DIP2C: variants seen among roughly 807,000 people sequenced by gnomAD.
The protein encoded by DIP2C is DIP2 acetate--CoA ligase C (putative).
A neutral mutation model predicts 192.4 loss-of-function variants in DIP2C; 33 were observed. The observed-to-expected ratio is 0.17, with a 90% CI of 0.13 to 0.23. The LOEUF (loss-of-function observed/expected upper bound fraction) is 0.23. DIP2C is among the 10% of genes least tolerant of loss of function. The pLI, the probability that DIP2C is intolerant of heterozygous loss-of-function variation, is 1.00. For missense variants in DIP2C, 1,537 were observed against 2,110.1 expected, an observed-to-expected ratio of 0.73 and a Z score of 5.32; for synonymous variants, 979 against 864.1, an observed-to-expected ratio of 1.13 and a Z score of -2.33.
At chr10:401,249 G>A (rs1296485297) in intron 9 of DIP2C, among the ~76,000 whole-genome samples, 1 of 151,492 alleles carries the variant, frequency 6.6e-6, no homozygotes, top group African/African-American at 2.4e-5. Context: ...ATCAGCCCAT[G>A]AATCCTATGA....
chr10:613,980 C>T (rs754973233), intron 1 of DIP2C, among the ~76,000 whole-genome samples: 1 of 152,188 alleles, frequency 6.6e-6, no homozygotes, highest in Non-Finnish European at 1.5e-5. Context: ...TACCCACATA[C>T]AGGACCAGGA....
chr10:581,181 G>A (rs781337805), intron 1 of DIP2C, among the ~76,000 whole-genome samples: 16 of 151,672 alleles, frequency 1.1e-4, no homozygotes, highest in East Asian at 1.9e-4. Flanking sequence ...CCACTTAGAC[G>A]CTTTCTGATA....
chr10:484,758 G>A (rs1201807264), intron 2 of DIP2C: 4 of 1,606,950 alleles, frequency 2.5e-6, no homozygotes, highest in Middle Eastern at 1.7e-4. Context: ...TGTGGGGCTG[G>A]CTCTCAGCAA....
chr10:602,524 G>A (rs1360190814), intron 1 of DIP2C, among the ~76,000 whole-genome samples: 2 of 152,190 alleles, frequency 1.3e-5, no homozygotes, highest in Non-Finnish European at 1.5e-5. Flanking sequence ...AGGCCTGAAG[G>A]AGCCCTCCTG....
chr10:285,324 A>T (rs1265009378), intron 34 of DIP2C, among the ~76,000 whole-genome samples: 3 of 152,164 alleles, frequency 2.0e-5, no homozygotes, highest in Non-Finnish European at 4.4e-5. Context: ...GGTGCTGTTT[A>T]TAAGATGCCA....
intron 1 of DIP2C, among the ~76,000 whole-genome samples, chr10:677,956 C>G (rs1830930324): frequency 1.3e-5 from 2 of 152,250 alleles, no homozygotes; most frequent in African/African-American, 2.4e-5. Flanking sequence ...CGTCACCAGT[C>G]CCAGTGCAGA....
At chr10:469,370 G>A (rs571192744) in intron 3 of DIP2C, among the ~76,000 whole-genome samples, 2 of 147,684 alleles carry the variant, frequency 1.4e-5, no homozygotes, top group South Asian at 2.2e-4. Context: ...AGGCTGGAGT[G>A]CAGTGGTATG....
At chr10:672,288 G>A (rs1674761744) in intron 1 of DIP2C, among the ~76,000 whole-genome samples, 3 of 151,886 alleles carry the variant, frequency 2.0e-5, no homozygotes. Flanking sequence ...GAGAAAACAG[G>A]CCACACACGC....
chr10:286,434 C>T, intron 33 of DIP2C, 87 bp from the exon 34 acceptor site: 2 of 1,217,578 alleles, frequency 1.6e-6, no homozygotes, highest in South Asian at 2.5e-5. Context: ...ATCTTTATGC[C>T]ATTTCCTTTC....
At chr10:326,653 C>T (rs749842002) in intron 31 of DIP2C, among the ~76,000 whole-genome samples, 3 of 152,274 alleles carry the variant, frequency 2.0e-5, no homozygotes, top group African/African-American at 4.8e-5. Context: ...CTACAGCGAT[C>T]GTCTACACGC....
Position 362,556 on chromosome 10 carries a change from A to G in DIP2C, c.2728T>C (p.Cys910Arg). The change falls in exon 22 of 37, where the codon TGC (cysteine) becomes CGC (arginine). Residue 910 changes from cysteine to arginine, a missense_variant. Transcript: ENST00000280886. ...GTGTGGGGGCACATTAGGACATTGC[A>G]GGGGTGCAGAGAGCCCTCCAGAAAA... is the stretch of plus-strand genomic sequence containing the variant. ...QLFLEGSLHPCNVLMCPHTCV... is the reference protein window; with the variant it reads ...QLFLEGSLHPRNVLMCPHTCV... The G allele has an allele frequency of 6.2e-7, 1 of 1,614,118 alleles. No homozygotes were observed. The highest frequency in any genetic ancestry group is 8.5e-7 in the Non-Finnish European group (1 of 1,179,984).
intron 31 of DIP2C, chr10:311,458 C>G: frequency 8.5e-7 from 1 of 1,176,264 alleles, no homozygotes; most frequent in East Asian, 3.2e-5. Flanking sequence ...AACTGCTAGT[C>G]TGTCCCACGG....
At chr10:645,616 T>C (rs938263705) in intron 1 of DIP2C, among the ~76,000 whole-genome samples, 1 of 152,214 alleles carries the variant, frequency 6.6e-6, no homozygotes, top group African/African-American at 2.4e-5. Context: ...TGTCTAAATT[T>C]TCCAGAATGA....
intron 17 of DIP2C, 185 bp from the exon 18 acceptor site, chr10:369,818 G>C: frequency 7.7e-7 from 1 of 1,297,192 alleles, no homozygotes; most frequent in Non-Finnish European, 1.1e-6. Context: ...ACAGCTGGCA[G>C]CGAGTCTACT....
chr10:471,291 A>G (rs1214257548), intron 3 of DIP2C, among the ~76,000 whole-genome samples: 1 of 151,962 alleles, frequency 6.6e-6, no homozygotes, highest in Non-Finnish European at 1.5e-5. Context: ...CAGAAAGAGG[A>G]GCAGAGCCAG....
chr10:445,020 C>T (rs566946080), intron 3 of DIP2C, among the ~76,000 whole-genome samples: 62 of 152,334 alleles, frequency 4.1e-4, no homozygotes, highest in Non-Finnish European at 3.2e-4. Flanking sequence ...GTGGCCGTGC[C>T]GTTTTAAGTC....
rs531705657 is a variant in DIP2C, at chr10:537,297, CTG to C, written c.86-50769_86-50768del. Among the ~76,000 whole-genome samples, 12 of 152,304 alleles carry C rather than the reference CTG, an allele frequency of 7.9e-5. No homozygotes were observed. In the South Asian group the frequency reaches 8.3e-4, roughly 11 times the overall value. On this transcript the variant is annotated intron_variant, in intron 1 of 36. Transcript: ENST00000280886. ...CCAGACCTGACCTGGACCAGAATCT[CTG>C]TGATTTCGGGGTAAATGACTCAAAC...
intron 32 of DIP2C, among the ~76,000 whole-genome samples, chr10:303,312 G>A (rs1347150092): frequency 6.6e-6 from 1 of 152,196 alleles, no homozygotes; most frequent in Non-Finnish European, 1.5e-5. Context: ...GCACGTGGCT[G>A]TAGATTCATA....
chr10:512,087 G>A (rs187466873), intron 1 of DIP2C, among the ~76,000 whole-genome samples: 78 of 152,344 alleles, frequency 5.1e-4, no homozygotes, highest in Non-Finnish European at 6.6e-4. Flanking sequence ...AGGCATGAAC[G>A]GGCCTCCTGC....
Sources: gnomAD v4.1 joint callset for allele counts (sites outside exome capture counted in the v4.1 genomes callset) on GRCh38, gnomAD v4.1.1 for gene constraint, MANE v1.5 for transcripts, NCBI Gene and HGNC (gene_info 2026-07-23, HGNC 2026-07-21) for gene names.